The following NCOA1 variants were observed in gnomAD, a reference collection of about 807,000 sequenced individuals.
NCOA1 encodes nuclear receptor coactivator 1.
A neutral mutation model predicts 150.9 loss-of-function variants in NCOA1; 35 were observed. The ratio of observed to expected loss-of-function variants is 0.23; its 90% CI spans 0.18 to 0.31. NCOA1 has a LOEUF of 0.31. NCOA1 is among the 10% of genes least tolerant of loss of function. The pLI, the probability that NCOA1 is intolerant of heterozygous loss-of-function variation, is 1.00. For missense variants in NCOA1, 1,491 were observed against 1,749.3 expected, an observed-to-expected ratio of 0.85 and a Z score of 2.63; for synonymous variants, 590 against 630.0, an observed-to-expected ratio of 0.94 and a Z score of 0.95.
chr2:24,609,131 G>A (rs184770930), intron 3 of NCOA1, among the ~76,000 whole-genome samples: 232 of 152,284 alleles, frequency 1.5e-3, no homozygotes, highest in African/African-American at 4.9e-3. Context: ...AAGGGGTGAG[G>A]ACATGGGAAT....
At chr2:24,734,557 G>C (rs1459390926) in intron 17 of NCOA1, among the ~76,000 whole-genome samples, 3 of 152,152 alleles carry the variant, frequency 2.0e-5, no homozygotes, top group African/African-American at 7.2e-5. Context: ...CATTTTGAGA[G>C]GCGTAGGCAG....
chr2:24,560,839 A>C (rs1394787409), intron 1 of NCOA1, among the ~76,000 whole-genome samples: 2 of 152,162 alleles, frequency 1.3e-5, no homozygotes, highest in Non-Finnish European at 1.5e-5. Context: ...CGTACAAGGA[A>C]GCTCATATTT....
chr2:24,617,152 A>G (rs1572496517), intron 3 of NCOA1, among the ~76,000 whole-genome samples: 1 of 152,224 alleles, frequency 6.6e-6, no homozygotes, highest in South Asian at 2.1e-4. Flanking sequence ...ACATAAAAGC[A>G]TGTTGCTCCA....
At chr2:24,492,387 C>T (rs911383615) in intron 1 of NCOA1, among the ~76,000 whole-genome samples, 1 of 152,192 alleles carries the variant, frequency 6.6e-6, no homozygotes, top group Admixed American at 6.5e-5. Context: ...ATCGGACACC[C>T]AGGGTCTCCA....
At chr2:24,739,630 G>C in intron 18 of NCOA1, 97 bp downstream of exon 18, 1 of 833,990 alleles carries the variant, frequency 1.2e-6, no homozygotes, top group African/African-American at 1.7e-5. Context: ...TCTGTGAGCT[G>C]ATCTTTTAAT....
At chr2:24,744,929 G>A (rs1328406497) in intron 19 of NCOA1, among the ~76,000 whole-genome samples, 1 of 152,198 alleles carries the variant, frequency 6.6e-6, no homozygotes, top group Non-Finnish European at 1.5e-5. Flanking sequence ...TGTGTTAAGT[G>A]ATGACAGTAA....
chr2:24,732,375 G>A (rs538290115), intron 17 of NCOA1, among the ~76,000 whole-genome samples: 11 of 152,256 alleles, frequency 7.2e-5, no homozygotes, highest in African/African-American at 1.7e-4. Flanking sequence ...ATGTCTATAC[G>A]CAAAAACAAC....
At chr2:24,751,428 C>G (rs1322345801) in intron 19 of NCOA1, among the ~76,000 whole-genome samples, 1 of 151,552 alleles carries the variant, frequency 6.6e-6, no homozygotes, top group Non-Finnish European at 1.5e-5. Context: ...TCTAAAAATA[C>G]AAAAATTAGC....
chr2:24,581,424 C>T (rs1381945156), intron 2 of NCOA1, among the ~76,000 whole-genome samples: 2 of 152,218 alleles, frequency 1.3e-5, no homozygotes, highest in Non-Finnish European at 2.9e-5. Context: ...CCTACTTCAC[C>T]TTTGCTGGTG....
chr2:24,647,683 A>G (rs1460104208), intron 4 of NCOA1, among the ~76,000 whole-genome samples: 1 of 152,226 alleles, frequency 6.6e-6, no homozygotes, highest in Non-Finnish European at 1.5e-5. Flanking sequence ...ATAATGTCAT[A>G]TCCTTTAGAT....
rs192620063 is a variant in NCOA1 at position 24,535,757 on chromosome 2, T to A, written c.-395-28538T>A. 3.4e-3 allele frequency among the ~76,000 whole-genome samples: 521 copies of A among 152,326 alleles called. 3 individuals carry two copies. Among genetic ancestry groups the A allele is most frequent in the African/African-American group, 0.012 (498 of 41,582 alleles). On this transcript the variant is annotated intron_variant, in intron 1 of 22. Coordinates refer to ENST00000348332, the MANE Select transcript of NCOA1 (RefSeq NM_003743.5). Reference sequence around the variant, plus strand: ...ATTCTGGGTTGAAAATTCTTTTCTTTAAGAATGTTGAATATTAGCCCCCGT... The same window carrying A: ...ATTCTGGGTTGAAAATTCTTTTCTTAAAGAATGTTGAATATTAGCCCCCGT...
chr2:24,633,230 A>AT (rs1195622699), intron 3 of NCOA1, among the ~76,000 whole-genome samples: 1 of 152,068 alleles, frequency 6.6e-6, no homozygotes, highest in Admixed American at 6.6e-5. Flanking sequence ...AGAATGGGAT[A>AT]TTTAAAAAAA....
chr2:24,555,939 T>A (rs957063155), intron 1 of NCOA1: 2 of 152,246 alleles, frequency 1.3e-5, no homozygotes, highest in African/African-American at 4.8e-5. Flanking sequence ...ATGTTTGGAT[T>A]TAAATGTACC....
intron 14 of NCOA1, among the ~76,000 whole-genome samples, chr2:24,711,898 T>C (rs546585819): frequency 1.2e-4 from 19 of 152,354 alleles, no homozygotes; most frequent in Non-Finnish European, 2.5e-4. Flanking sequence ...ACTTTCAAAA[T>C]TAGTCTGGAT....
chr2:24,503,424 A>G (rs920630178), intron 1 of NCOA1, among the ~76,000 whole-genome samples: 9 of 152,154 alleles, frequency 5.9e-5, no homozygotes, highest in African/African-American at 2.2e-4. Context: ...GAGGATTACT[A>G]CATTTCTGTT....
intron 2 of NCOA1, among the ~76,000 whole-genome samples, chr2:24,572,933 T>C (rs371802707): frequency 9.2e-5 from 14 of 152,176 alleles, no homozygotes; most frequent in African/African-American, 2.7e-4. Context: ...ACATATTTTT[T>C]TGAATAACAA....
chr2:24,766,664 G>A (rs1665080836), intron 22 of NCOA1, among the ~76,000 whole-genome samples: 2 of 152,134 alleles, frequency 1.3e-5, no homozygotes, highest in Admixed American at 1.3e-4. Context: ...GATGGCAGGA[G>A]GAGGTAAGAC....
intron 3 of NCOA1, among the ~76,000 whole-genome samples, chr2:24,616,342 C>T (rs190896504): frequency 6.6e-6 from 1 of 152,200 alleles, no homozygotes; most frequent in East Asian, 1.9e-4. Flanking sequence ...GTTTGTTGCT[C>T]TTGTATGGAT....
chr2:24,513,596 G>A (rs955133582), intron 1 of NCOA1, among the ~76,000 whole-genome samples: 1 of 152,192 alleles, frequency 6.6e-6, no homozygotes, highest in East Asian at 1.9e-4. Flanking sequence ...ATGTGTGTGT[G>A]TGTGTGCGTG....
Sources: gnomAD v4.1 joint callset for allele counts (sites outside exome capture counted in the v4.1 genomes callset) on GRCh38, gnomAD v4.1.1 for gene constraint, MANE v1.5 for transcripts, NCBI Gene and HGNC (gene_info 2026-07-23, HGNC 2026-07-21) for gene names.